The following HCK variants were observed in gnomAD, a reference collection of about 807,000 sequenced individuals.
HCK encodes tyrosine-protein kinase HCK.
Under a neutral mutation model 70.4 loss-of-function variants are expected in HCK, and 40 were observed. That is an observed-to-expected ratio of 0.57 (90% confidence interval 0.44 to 0.74). The LOEUF is 0.74. Ranked by LOEUF, HCK falls within the 30% of genes least tolerant of loss-of-function variation. HCK has a pLI of 0.00. For missense variants in HCK, 568 were observed against 697.2 expected, an observed-to-expected ratio of 0.81 and a Z score of 2.09; for synonymous variants, 245 against 263.2, an observed-to-expected ratio of 0.93 and a Z score of 0.67.
intron 1 of HCK, among the ~76,000 whole-genome samples, chr20:32,065,440 T>C (rs1398916476): frequency 6.6e-6 from 1 of 152,178 alleles, no homozygotes; most frequent in Non-Finnish European, 1.5e-5. Context: ...CTGAGGTGTA[T>C]AGGCCTCAGG....
At chr20:32,096,486 C>T (rs1056832366) in intron 11 of HCK, among the ~76,000 whole-genome samples, 6 of 121,616 alleles carry the variant, frequency 4.9e-5, no homozygotes, top group Admixed American at 2.1e-4. Context: ...GGTGATAGAG[C>T]GAGACTCCGT....
At chr20:32,086,165 G>A (rs1342116262) in intron 8 of HCK, among the ~76,000 whole-genome samples, 2 of 152,032 alleles carry the variant, frequency 1.3e-5, no homozygotes, top group South Asian at 2.1e-4. Context: ...GACTACAGGC[G>A]CCCACAACTG....
At chr20:32,098,820 G>A (rs1254380823) in intron 11 of HCK, among the ~76,000 whole-genome samples, 184 bp from the exon 12 acceptor site, 1 of 152,192 alleles carries the variant, frequency 6.6e-6, no homozygotes, top group Non-Finnish European at 1.5e-5. Context: ...ACTCCTCCTT[G>A]TTTAGCCATC....
chr20:32,061,150 AT>A (rs1440545151), intron 1 of HCK, among the ~76,000 whole-genome samples: 3 of 152,054 alleles, frequency 2.0e-5, no homozygotes, highest in Admixed American at 1.3e-4. Flanking sequence ...CGCCCAGCTA[AT>A]TTTTGTATTT....
In HCK at chr20:32,079,623, A is replaced by G. The variant is rs73906730; in HGVS notation, c.429-151A>G. 5.2e-3 allele frequency: 2,987 copies of G among 572,700 alleles called. 65 individuals carry two copies. The highest frequency in any genetic ancestry group is 0.048 in the African/African-American group (2,596 of 53,778). 35.5% of individuals were successfully genotyped at this position (572,700 alleles called of 1,614,324 possible). On this transcript the variant is annotated intron_variant, in intron 5 of 12. Coordinates refer to ENST00000375852, the MANE Select transcript of HCK (RefSeq NM_002110.5). ...TGGCTCCTTTACCTTCTCTCCCCCA[A>G]AAAATCTTTGAGTAAAACTGATGCT...
chr20:32,076,706 C>A lies in HCK; in HGVS notation c.428+1985C>A, dbSNP rs146205781. 5.3e-5 allele frequency among the ~76,000 whole-genome samples: 8 copies of A among 152,250 alleles called. No homozygotes were observed. In the East Asian group the frequency reaches 1.5e-3, roughly 29 times the overall value. On this transcript the variant is annotated intron_variant, in intron 5 of 12. Coordinates refer to ENST00000375852, the MANE Select transcript of HCK (RefSeq NM_002110.5). ...CTTTCTGGGCTCCACTGTCAGATTCCGAATGTGCATTTCTAACAGGTTCTT... is the reference window on the plus strand; with the variant it reads ...CTTTCTGGGCTCCACTGTCAGATTCAGAATGTGCATTTCTAACAGGTTCTT...
At chr20:32,065,229 G>T (rs1206863937) in intron 1 of HCK, among the ~76,000 whole-genome samples, 1 of 152,162 alleles carries the variant, frequency 6.6e-6, no homozygotes, top group African/African-American at 2.4e-5. Flanking sequence ...TCAAATTTTA[G>T]TGTATATACT....
chr20:32,055,762 T>A (rs1385893937), intron 1 of HCK, among the ~76,000 whole-genome samples: 1 of 152,234 alleles, frequency 6.6e-6, no homozygotes, highest in Non-Finnish European at 1.5e-5. Flanking sequence ...AAACACTACC[T>A]GTCAGTAGCT....
At chr20:32,064,982 A>T (rs1412067737) in intron 1 of HCK, among the ~76,000 whole-genome samples, 3 of 152,272 alleles carry the variant, frequency 2.0e-5, no homozygotes, top group Non-Finnish European at 4.4e-5. Context: ...TTTGAAGCAC[A>T]TTAGATGAGA....
chr20:32,067,531 C>CTTTTTTTTTTTT (rs11482239), intron 1 of HCK, among the ~76,000 whole-genome samples: 2 of 110,332 alleles, frequency 1.8e-5, no homozygotes, highest in African/African-American at 3.6e-5. Flanking sequence ...GATGCTTTTA[C>CTTTTTTTTTTTT]TTTTTTTTTT....
intron 2 of HCK, among the ~76,000 whole-genome samples, chr20:32,072,956 C>G (rs1303651344): frequency 6.6e-6 from 1 of 152,104 alleles, no homozygotes; most frequent in Non-Finnish European, 1.5e-5. Context: ...CAAAATTAGC[C>G]AGGCATGGTG....
intron 11 of HCK, among the ~76,000 whole-genome samples, chr20:32,094,751 A>AAGAAAGAGAGAAAGAAAGAG (rs1555877787): frequency 5.7e-5 from 5 of 87,962 alleles, no homozygotes; most frequent in African/African-American, 1.7e-4. Context: ...GAAAGAAAGA[A>AAGAAAGAGAGAAAGAAAGAG]AGAAAGAAAG....
chr20:32,098,620 C>T lies in HCK; in HGVS notation c.1247-384C>T, dbSNP rs12481708. ...GAGCCAGAATCCTCCCTTTTCCCAT[C>T]GCCCAGGATGAGAGGACTGAGGCAT... On this transcript the variant is annotated intron_variant, in intron 11 of 12. Coordinates refer to ENST00000375852, the MANE Select transcript of HCK (RefSeq NM_002110.5). Among the ~76,000 whole-genome samples, 2,306 of 152,248 alleles carry T rather than the reference C, an allele frequency of 0.015. 130 individuals are homozygous for T. In the East Asian group the frequency reaches 0.19, roughly 13 times the overall value.
At chr20:32,072,236 G>C (rs1170864959) in intron 2 of HCK, 1 of 161,702 alleles carries the variant, frequency 6.2e-6, no homozygotes, top group Non-Finnish European at 1.4e-5. Context: ...ACAACAGCAA[G>C]AGTTGTAAAA....
At chr20:32,056,853 T>C (rs2045279863) in intron 1 of HCK, among the ~76,000 whole-genome samples, 1 of 152,112 alleles carries the variant, frequency 6.6e-6, no homozygotes, top group South Asian at 2.1e-4. Flanking sequence ...GTTTGTCCTA[T>C]AAACCACTGT....
rs1443017724 is a variant in HCK at position 32,069,644 on chromosome 20, G to A, written c.63-2018G>A. ...GATAATTTTTCAAATTAATGATCCAGCACTCCAAGAGTCTGAATGTGTTCC... is the reference window on the plus strand; with the variant it reads ...GATAATTTTTCAAATTAATGATCCAACACTCCAAGAGTCTGAATGTGTTCC... On this transcript the variant is annotated intron_variant, in intron 1 of 12. Transcript: ENST00000375852. 8.6e-6 allele frequency: 4 copies of A among 465,878 alleles called. No individual in the cohort carries two copies. In the Admixed American group the frequency reaches 1.0e-4, roughly 12 times the overall value. The allele number at this position is 465,878 out of a possible 1,614,324, so 28.9% of individuals were successfully genotyped here.
intron 9 of HCK, among the ~76,000 whole-genome samples, chr20:32,087,564 C>T (rs2045806284): frequency 6.6e-6 from 1 of 151,948 alleles, no homozygotes; most frequent in African/African-American, 2.4e-5. Context: ...AACTCTCAGG[C>T]TCCAGGATCC....
intron 12 of HCK, among the ~76,000 whole-genome samples, chr20:32,099,610 G>A (rs1427005391): frequency 6.6e-6 from 1 of 151,910 alleles, no homozygotes; most frequent in African/African-American, 2.4e-5. Context: ...CGCCTGCCTC[G>A]GCCTCCCAAA....
intron 1 of HCK, among the ~76,000 whole-genome samples, chr20:32,067,054 C>T (rs535438200): frequency 2.0e-5 from 3 of 152,154 alleles, no homozygotes; most frequent in East Asian, 3.8e-4. Flanking sequence ...GCTTTTTATA[C>T]GAACTTACTA....
Sources: gnomAD v4.1 joint callset for allele counts (sites outside exome capture counted in the v4.1 genomes callset) on GRCh38, gnomAD v4.1.1 for gene constraint, MANE v1.5 for transcripts, NCBI Gene and HGNC (gene_info 2026-07-23, HGNC 2026-07-21) for gene names.